The following KIAA1191 variants were observed in gnomAD, a reference collection of about 807,000 sequenced individuals.
KIAA1191 encodes the protein KIAA1191, also known as putative monooxygenase p33MONOX.
In KIAA1191, 22 loss-of-function variants were observed where a neutral mutation model predicts 31.1. That is an observed-to-expected ratio of 0.71 (90% CI 0.51 to 1.01). KIAA1191 has a LOEUF of 1.01. KIAA1191 is among the 50% of genes least tolerant of loss of function. KIAA1191 has a pLI of 0.00. For missense variants in KIAA1191, 319 were observed against 388.0 expected (o/e 0.82, Z 1.49); for synonymous variants, 130 against 143.9 (o/e 0.90, Z 0.69).
At chr5:176,350,845 A>T in intron 5 of KIAA1191, 108 bp from the exon 6 acceptor site, 1 of 1,359,292 alleles carries the variant, frequency 7.4e-7, no homozygotes, top group East Asian at 2.3e-5. Context: ...GACCACACTG[A>T]CCATTCAAAG....
At position 176,361,720 on chromosome 5, in the gene KIAA1191, G is replaced by C. The variant is rs1442457395; in HGVS notation, c.-286C>G. The C allele has an allele frequency of 6.6e-6, 1 of 152,362 alleles. No individual in the cohort carries two copies. The highest frequency in any genetic ancestry group is 2.4e-5 in the African/African-American group (1 of 41,458). The allele number at this position is 152,362 out of a possible 1,614,324, so 9.4% of individuals were successfully genotyped here. A position where few individuals can be genotyped will look rare whatever the true frequency, so the allele number is the denominator to read the frequency against. On this transcript the variant is annotated 5_prime_UTR_variant, in exon 1 of 9. Coordinates refer to ENST00000298569, the MANE Select transcript of KIAA1191 (RefSeq NM_020444.5). The surrounding 1 kb of genome is among the most constrained non-coding windows in gnomAD (Gnocchi z 4.0). ...TCTGGACCCAAGCCATTGTGAGAGC[G>C]GCGGCGATTTCGAAGGTCCCCAAGA...
rs576337888 is a variant in KIAA1191, at chr5:176,355,381, AT to A, written c.207+189del. 1.1e-3 allele frequency among the ~76,000 whole-genome samples: 164 copies of A among 146,218 alleles called. No homozygotes were observed. The highest frequency in any genetic ancestry group is 3.5e-3 in the Middle Eastern group (1 of 288). On this transcript the variant is annotated intron_variant, in intron 4 of 8. Transcript: ENST00000298569. This position sits in a 1 kb window ranked among gnomAD's most constrained non-coding sequence, Gnocchi z 4.2. ...ACCTCGGGTAACCCTAAAGCTACTGATTTTTTTTTTAACAAAATAAATAAAA... is the reference window on the plus strand; with the variant it reads ...ACCTCGGGTAACCCTAAAGCTACTGATTTTTTTTTAACAAAATAAATAAAA...
At position 176,355,411 on chromosome 5, in the gene KIAA1191, TAAAA is replaced by T. The variant is rs527939434; in HGVS notation, c.207+156_207+159del. On this transcript the variant is annotated intron_variant, in intron 4 of 8. Transcript: ENST00000298569. This position sits in a 1 kb window ranked among gnomAD's most constrained non-coding sequence, Gnocchi z 4.2. ...TTTTTTAACAAAATAAATAAAATCTTAAAAAAAAAAAAAAGACAGCTATAACTGA... is the reference window on the plus strand; with the variant it reads ...TTTTTTAACAAAATAAATAAAATCTTAAAAAAAAAAGACAGCTATAACTGA... Among the ~76,000 whole-genome samples, 6 of 61,504 alleles carry T rather than the reference TAAAA, an allele frequency of 9.8e-5. No homozygotes were observed. Among genetic ancestry groups the T allele is most frequent in the South Asian group, 4.6e-4 (1 of 2,178 alleles). 40.3% of individuals were successfully genotyped at this position (61,504 alleles called of 152,430 possible).
rs1291187202 is a variant in KIAA1191, at chr5:176,355,004, A to T, written c.207+567T>A. On this transcript the variant is annotated intron_variant, in intron 4 of 8. Coordinates refer to ENST00000298569, the MANE Select transcript of KIAA1191 (RefSeq NM_020444.5). This position sits in a 1 kb window ranked among gnomAD's most constrained non-coding sequence, Gnocchi z 4.2. ...AGAGGACAGGATGTGGATGGCAAAC[A>T]TCCTAAACAATCAGGGCAGTGTGAG... 6.6e-6 allele frequency among the ~76,000 whole-genome samples: 1 copy of T among 152,216 alleles called. No homozygotes were observed. The highest frequency in any genetic ancestry group is 1.5e-5 in the Non-Finnish European group (1 of 68,046).
chr5:176,356,032 G>A (rs1031255073), intron 3 of KIAA1191: 5 of 358,526 alleles, frequency 1.4e-5, no homozygotes, highest in East Asian at 1.5e-4. Context: ...GGAGTGCAGC[G>A]GCACGATCAC....
Position 176,347,507 on chromosome 5 carries a change from G to C in KIAA1191, c.*93C>G. The stretch of plus-strand genomic sequence containing the variant: ...TGAGCCACCACGCCCAGCTGATTAA[G>C]TTTTTAAATATACCTTTCCTATGTC... On this transcript the variant is annotated 3_prime_UTR_variant, in exon 9 of 9. Coordinates refer to ENST00000298569, the MANE Select transcript of KIAA1191 (RefSeq NM_020444.5). 9.0e-7 allele frequency: 1 copy of C among 1,107,690 alleles called. No homozygotes were observed. Among genetic ancestry groups the C allele is most frequent in the Non-Finnish European group, 1.2e-6 (1 of 809,924 alleles). The allele number at this position is 1,107,690 out of a possible 1,614,324, so 68.6% of individuals were successfully genotyped here. A position where few individuals can be genotyped will look rare whatever the true frequency, so the allele number is the denominator to read the frequency against.
At chr5:176,353,156 C>T (rs569394779) in intron 4 of KIAA1191, 1 of 156,636 alleles carries the variant, frequency 6.4e-6, no homozygotes, top group African/African-American at 2.4e-5. Context: ...CTGTGCCAGC[C>T]ATTAGAACAG....
Position 176,352,540 on chromosome 5 carries a change from T to A in KIAA1191, c.334+82A>T, listed in dbSNP as rs1767124756. 3.1e-5 allele frequency: 46 copies of A among 1,501,358 alleles called. No homozygotes were observed. The South Asian group carries it at 5.4e-4, about 18-fold the overall frequency. The allele number at this position is 1,501,358 out of a possible 1,614,324, so 93.0% of individuals were successfully genotyped here. On this transcript the variant is annotated intron_variant, in intron 5 of 8. Coordinates refer to ENST00000298569, the MANE Select transcript of KIAA1191 (RefSeq NM_020444.5). ...ATAAGGTAAGGCGAGCGTGTTGCAG[T>A]ATCATCTCCAATCAGCTTGTAGGAA...
chr5:176,346,102 CATA>C lies in KIAA1191; in HGVS notation c.*1495_*1497del, dbSNP rs1440373750. On this transcript the variant is annotated 3_prime_UTR_variant, in exon 9 of 9. Transcript: ENST00000298569. The stretch of plus-strand genomic sequence containing the variant: ...AGGATTTTTATTGTCAAAACGAGAT[CATA>C]ATAGAAGACACAAATAAATTAATTG... 1 of 152,108 alleles carries C rather than the reference CATA, an allele frequency of 6.6e-6. No individual in the cohort carries two copies. Among genetic ancestry groups the C allele is most frequent in the Admixed American group, 6.6e-5 (1 of 15,264 alleles). The allele number at this position is 152,108 out of a possible 1,614,324, so 9.4% of individuals were successfully genotyped here.
At position 176,355,253 on chromosome 5, in the gene KIAA1191, G is replaced by A. The variant is rs1767401409; in HGVS notation, c.207+318C>T. ...AATTAAAAAGAAAAAAAAAAGGAGG[G>A]AGATTTAAAAAACCATCTATTGGGT... On this transcript the variant is annotated intron_variant, in intron 4 of 8. Coordinates refer to ENST00000298569, the MANE Select transcript of KIAA1191 (RefSeq NM_020444.5). This position sits in a 1 kb window ranked among gnomAD's most constrained non-coding sequence, Gnocchi z 4.2. 6.6e-6 allele frequency among the ~76,000 whole-genome samples: 1 copy of A among 151,948 alleles called. No homozygotes were observed. Among genetic ancestry groups the A allele is most frequent in the Non-Finnish European group, 1.5e-5 (1 of 67,986 alleles).
At chr5:176,348,198 C>G in intron 7 of KIAA1191, 52 bp downstream of exon 7, 2 of 1,601,600 alleles carry the variant, frequency 1.2e-6, no homozygotes, top group Non-Finnish European at 1.7e-6. Context: ...ATCTGCCACA[C>G]TAGCTTTCCT....
rs759121830 is a variant in KIAA1191 at position 176,347,988 on chromosome 5, A to T, written c.642T>A (p.Asp214Glu). The T allele has an allele frequency of 6.2e-7, 1 of 1,614,150 alleles. No homozygotes were observed. Among genetic ancestry groups the T allele is most frequent in the Non-Finnish European group, 8.5e-7 (1 of 1,180,040 alleles). ...ACTTATCTGACAAGTTTCTGTCCTTATCCCCACTTCCAGAGTCCATGGTGC... is the reference window on the plus strand; with the variant it reads ...ACTTATCTGACAAGTTTCTGTCCTTTTCCCCACTTCCAGAGTCCATGGTGC... ...NPSTMDSGSG[D>E]KDRNLSDKWS... The change falls in exon 8 of 9, where the codon GAT becomes GAA. Residue 214 changes from aspartate to glutamate, a missense_variant. Asp to Glu is a conservative substitution (Grantham distance 45). Transcript: ENST00000298569.
intron 6 of KIAA1191, 117 bp downstream of exon 6, chr5:176,350,496 G>A: frequency 7.7e-7 from 1 of 1,291,822 alleles, no homozygotes; most frequent in Non-Finnish European, 1.1e-6. Flanking sequence ...TAAGAGCTCG[G>A]GAGCGAGACT....
intron 6 of KIAA1191, among the ~76,000 whole-genome samples, chr5:176,349,413 C>T (rs1305219675): frequency 6.6e-6 from 1 of 152,184 alleles, no homozygotes; most frequent in Non-Finnish European, 1.5e-5. Flanking sequence ...GGTGCGGTGG[C>T]TCATACATGT....
At chr5:176,358,918 AC>A (rs1440795670) in intron 3 of KIAA1191, among the ~76,000 whole-genome samples, 1 of 151,708 alleles carries the variant, frequency 6.6e-6, no homozygotes, top group Non-Finnish European at 1.5e-5. Flanking sequence ...CCTCGTCTCT[AC>A]TAAAAATACA....
In KIAA1191 at chr5:176,359,568, C is replaced by T; in HGVS notation, c.-59-1G>A. 1 of 1,347,660 alleles carries T rather than the reference C, an allele frequency of 7.4e-7. No individual in the cohort carries two copies. Among genetic ancestry groups the T allele is most frequent in the Non-Finnish European group, 1.1e-6 (1 of 937,966 alleles). 83.5% of individuals were successfully genotyped at this position (1,347,660 alleles called of 1,614,324 possible). A position where few individuals can be genotyped will look rare whatever the true frequency, so the allele number is the denominator to read the frequency against. On this transcript the variant is annotated splice_acceptor_variant, in intron 2 of 8. Transcript: ENST00000298569. LOFTEE classifies it low-confidence loss of function (5UTR_SPLICE). ...GAATTCCGAGCTGAGTCCCTGCCAC[C>T]TAATAAAATAACAAAGGGCATTTTC...
intron 3 of KIAA1191, 111 bp downstream of exon 3, chr5:176,359,370 C>T: frequency 1.1e-6 from 1 of 949,890 alleles, no homozygotes; most frequent in Non-Finnish European, 1.7e-6. Context: ...TAAATACTCG[C>T]TTGGTAGCAG....
At position 176,355,864 on chromosome 5, in the gene KIAA1191, T is replaced by C; in HGVS notation, c.29-115A>G. On this transcript the variant is annotated intron_variant, in intron 3 of 8. Coordinates refer to ENST00000298569, the MANE Select transcript of KIAA1191 (RefSeq NM_020444.5). This position sits in a 1 kb window ranked among gnomAD's most constrained non-coding sequence, Gnocchi z 4.2. ...ACTCTTGTTCTTGAACAGAGCAAAA[T>C]AGCTTGTTTTGGAGTAGCTAATCCC... 9.6e-7 allele frequency: 1 copy of C among 1,045,752 alleles called. No individual in the cohort carries two copies. Among genetic ancestry groups the C allele is most frequent in the Non-Finnish European group, 1.4e-6 (1 of 692,790 alleles). The allele number at this position is 1,045,752 out of a possible 1,614,324, so 64.8% of individuals were successfully genotyped here. A position where few individuals can be genotyped will look rare whatever the true frequency, so the allele number is the denominator to read the frequency against.
In KIAA1191 at chr5:176,359,015, C is replaced by T. The variant is rs180820974; in HGVS notation, c.28+466G>A. On this transcript the variant is annotated intron_variant, in intron 3 of 8. Coordinates refer to ENST00000298569, the MANE Select transcript of KIAA1191 (RefSeq NM_020444.5). ...AGGAGAATGGTGTGAACCCGGGAGG[C>T]GGAGCTTGCAGTGAGCTGAGATCGC... Among the ~76,000 whole-genome samples the T allele has an allele frequency of 5.4e-3, 764 of 141,062 alleles. 7 individuals carry two copies. Among genetic ancestry groups the T allele is most frequent in the African/African-American group, 0.019 (727 of 37,752 alleles). The allele number at this position is 141,062 out of a possible 152,430, so 92.5% of individuals were successfully genotyped here.
Sources: gnomAD v4.1 joint callset for allele counts (sites outside exome capture counted in the v4.1 genomes callset) on GRCh38, gnomAD v4.1.1 for gene constraint, Gnocchi (gnomAD v3.1) non-coding constraint, MANE v1.5 for transcripts, NCBI Gene and HGNC (gene_info 2026-07-23, HGNC 2026-07-21) for gene names.